HERC1: variants seen among roughly 807,000 people sequenced by gnomAD.
HERC1 encodes HECT and RLD domain containing E3 ubiquitin protein ligase family member 1, also known as probable E3 ubiquitin-protein ligase HERC1.
A neutral mutation model predicts 554.3 loss-of-function variants in HERC1; 160 were observed. The observed-to-expected ratio is 0.29, with a 90% confidence interval of 0.25 to 0.33. The LOEUF is 0.33. HERC1 is among the 10% of genes least tolerant of loss of function. The pLI, the probability that HERC1 is intolerant of heterozygous loss-of-function variation, is 1.00. For missense variants in HERC1, 4,919 were observed against 5,918.5 expected (o/e 0.83, Z 5.54); for synonymous variants, 2,175 against 2,131.7 (o/e 1.02, Z -0.56).
intron 48 of HERC1, among the ~76,000 whole-genome samples, chr15:63,657,682 T>C (rs560782886): frequency 2.6e-5 from 4 of 152,356 alleles, no homozygotes; most frequent in African/African-American, 9.6e-5. Context: ...TGTGACTTGC[T>C]TGAGGAATTT....
At chr15:63,793,685 C>T (rs2076722904) in intron 1 of HERC1, among the ~76,000 whole-genome samples, 1 of 152,148 alleles carries the variant, frequency 6.6e-6, no homozygotes, top group African/African-American at 2.4e-5. Context: ...TCTGTGGACT[C>T]GCCCTGAATT....
At position 63,713,341 on chromosome 15, in the gene HERC1, A is replaced by G; in HGVS notation, c.4463+12T>C. 6.2e-7 allele frequency: 1 copy of G among 1,607,928 alleles called. No homozygotes were observed. The highest frequency in any genetic ancestry group is 8.5e-7 in the Non-Finnish European group (1 of 1,175,074). ...TGAGTAGGTCATGTTTTCAGTGTCT[A>G]GTCAGTCCCACCTGGTCATAAGTCC... is the stretch of plus-strand genomic sequence containing the variant. On this transcript the variant is annotated intron_variant, in intron 23 of 77. Transcript: ENST00000443617.
At chr15:63,830,267 T>G (rs1244060380) in intron 1 of HERC1, among the ~76,000 whole-genome samples, 1 of 152,218 alleles carries the variant, frequency 6.6e-6, no homozygotes, top group Non-Finnish European at 1.5e-5. Flanking sequence ...GTCAACACCA[T>G]GTACCCCCAA....
chr15:63,685,853 T>C (rs1416460496), intron 34 of HERC1, among the ~76,000 whole-genome samples: 3 of 152,224 alleles, frequency 2.0e-5, no homozygotes, highest in Non-Finnish European at 2.9e-5. Flanking sequence ...TATACTGATA[T>C]AAATTTTACC....
rs1017232969 is a variant in HERC1, at chr15:63,686,247, A to G, written c.6225+112T>C. 20 of 732,680 alleles carry G rather than the reference A, an allele frequency of 2.7e-5. No homozygotes were observed. In the Middle Eastern group the frequency reaches 1.2e-3, roughly 45 times the overall value. The allele number at this position is 732,680 out of a possible 1,614,324, so 45.4% of individuals were successfully genotyped here. A position where few individuals can be genotyped will look rare whatever the true frequency, so the allele number is the denominator to read the frequency against. ...TTTATATTATCTTACATAATAATAGAACATTTACATATCACGATTTTTTTT... is the reference window on the plus strand; with the variant it reads ...TTTATATTATCTTACATAATAATAGGACATTTACATATCACGATTTTTTTT... On this transcript the variant is annotated intron_variant, in intron 34 of 77. Transcript: ENST00000443617.
At position 63,734,805 on chromosome 15, in the gene HERC1, AG is replaced by A; in HGVS notation, c.2564del (p.Pro855LeufsTer36). 1 of 1,608,544 alleles carries A rather than the reference AG, an allele frequency of 6.2e-7. No homozygotes were observed. The highest frequency in any genetic ancestry group is 1.1e-5 in the South Asian group (1 of 90,162). ...TLSVGATMLL[P>X]PLRERMELLH... ...GTAATTCCATCCGTTCTCGTAATGG[AG>A]GTAACAGCATGGTTGCTCCCACTGA... On this transcript the variant is annotated frameshift_variant, in exon 13 of 78. Coordinates refer to ENST00000443617, the MANE Select transcript of HERC1 (RefSeq NM_003922.4). LOFTEE classifies it high-confidence loss of function. This position sits in a 1 kb window ranked among gnomAD's most constrained non-coding sequence, Gnocchi z 4.6.
At position 63,752,256 on chromosome 15, in the gene HERC1, T is replaced by C. The variant is rs144739879; in HGVS notation, c.1902+702A>G. The stretch of plus-strand genomic sequence containing the variant: ...TTGTCAATTAGTCATAAAACACTTT[T>C]ATACCACTGCCTGACACAAGGTGGC... On this transcript the variant is annotated intron_variant, in intron 8 of 77. Coordinates refer to ENST00000443617, the MANE Select transcript of HERC1 (RefSeq NM_003922.4). Among the ~76,000 whole-genome samples, 55 of 152,290 alleles carry C rather than the reference T, an allele frequency of 3.6e-4. No individual in the cohort carries two copies. In the East Asian group the frequency reaches 9.7e-3, roughly 27 times the overall value.
intron 12 of HERC1, among the ~76,000 whole-genome samples, chr15:63,744,150 GTGTGTGTGTGTGTGTCTCTCTCTC>G (rs1567077938): frequency 1.2e-4 from 5 of 41,526 alleles, no homozygotes; most frequent in Non-Finnish European, 3.1e-4. Context: ...GTGTGTGTGT[GTGTGTGTGTGTGTGTCTCTCTCTC>G]TCTCTCTCTC....
At chr15:63,725,012 T>C (rs1014986344) in intron 18 of HERC1, among the ~76,000 whole-genome samples, 45 of 152,186 alleles carry the variant, frequency 3.0e-4, no homozygotes, top group African/African-American at 1.0e-3. Context: ...AAATAAGTGA[T>C]GAAGCATTGA....
chr15:63,729,336 A>T lies in HERC1; in HGVS notation c.3054T>A (p.His1018Gln), dbSNP rs1320166817. Reference protein sequence around the residue: ...NSSSVALLHKHLQLLLPHATD... With the variant: ...NSSSVALLHKQLQLLLPHATD... ...TGGCATGAGGCAACAAAAGCTGAAG[A>T]TGTTTATGAAGCAATGCCACACTGC... Residue 1018 changes from histidine to glutamine, a missense_variant, in exon 16 of 78, where the codon CAT becomes CAA. Transcript: ENST00000443617. The T allele has an allele frequency of 1.2e-6, 2 of 1,610,346 alleles. No individual in the cohort carries two copies. The highest frequency in any genetic ancestry group is 2.2e-5 in the South Asian group (2 of 90,264).
chr15:63,686,491 T>A lies in HERC1; in HGVS notation c.6093A>T (p.Gln2031His). The change falls in exon 34 of 78, where the codon CAA becomes CAT. Residue 2031 changes from glutamine (Q) to histidine (H), a missense_variant. Gln to His is a conservative substitution (Grantham distance 24). Coordinates refer to ENST00000443617, the MANE Select transcript of HERC1 (RefSeq NM_003922.4). ...LEEEDENLPI[Q>H]EVSFDPEKAQ... is the part of the protein sequence containing the mutation. ...CTTTCTCCGGGTCAAAGGATACTTC[T>A]TGGATAGGAAGATTCTCATCTTCTT... 6.2e-7 allele frequency: 1 copy of A among 1,613,858 alleles called. No individual in the cohort carries two copies.
Position 63,790,572 on chromosome 15 carries a change from C to T in HERC1, c.-26-14923G>A, listed in dbSNP as rs185188278. ...CAGCCTGGGCGACACAGCAAGACTC[C>T]GTCTCAAAAAAAAATTTTTTTTTTA... On this transcript the variant is annotated intron_variant, in intron 1 of 77. Transcript: ENST00000443617. Among the ~76,000 whole-genome samples the T allele has an allele frequency of 5.6e-4, 85 of 151,190 alleles. 1 individual carries two copies. The highest frequency in any genetic ancestry group is 1.8e-3 in the African/African-American group (75 of 41,124).
intron 24 of HERC1, among the ~76,000 whole-genome samples, chr15:63,708,126 A>G (rs1333226386): frequency 6.6e-6 from 1 of 152,146 alleles, no homozygotes; most frequent in Non-Finnish European, 1.5e-5. Flanking sequence ...GGTGCTGGAT[A>G]AAACACCAAA....
intron 1 of HERC1, among the ~76,000 whole-genome samples, chr15:63,822,383 C>T (rs1301706314): frequency 3.3e-5 from 5 of 152,188 alleles, no homozygotes; most frequent in South Asian, 4.1e-4. Context: ...GCCAGGAGTT[C>T]GAGACCAGCC....
chr15:63,817,669 C>G (rs142231491), intron 1 of HERC1, among the ~76,000 whole-genome samples: 10 of 152,214 alleles, frequency 6.6e-5, no homozygotes, highest in African/African-American at 2.4e-4. Flanking sequence ...CAGCCAAGTT[C>G]GCGCCACTAC....
chr15:63,639,738 C>T (rs2068950060), intron 61 of HERC1, among the ~76,000 whole-genome samples: 1 of 152,160 alleles, frequency 6.6e-6, no homozygotes, highest in Non-Finnish European at 1.5e-5. Flanking sequence ...AATTAGAATG[C>T]TCTTCTATAT....
rs529087724 is a variant in HERC1 at position 63,668,772 on chromosome 15, A to G, written c.8206+766T>C. ...GAACCTAAAGACAGAGCTTTAAAAT[A>G]TATGAAACAGAAACTGAAAACAGGA... On this transcript the variant is annotated intron_variant, in intron 40 of 77. Transcript: ENST00000443617. Among the ~76,000 whole-genome samples, 8 of 152,350 alleles carry G rather than the reference A, an allele frequency of 5.3e-5. No homozygotes were observed. The East Asian group carries it at 1.5e-3, about 29-fold the overall frequency.
intron 51 of HERC1, among the ~76,000 whole-genome samples, chr15:63,653,910 A>G (rs1359523813): frequency 1.3e-5 from 2 of 152,144 alleles, no homozygotes; most frequent in Admixed American, 6.6e-5. Context: ...CAATTCTCCA[A>G]TTCGTATACT....
At chr15:63,765,629 C>G (rs1399044080) in intron 2 of HERC1, among the ~76,000 whole-genome samples, 1 of 152,148 alleles carries the variant, frequency 6.6e-6, no homozygotes, top group Non-Finnish European at 1.5e-5. Context: ...CTAACTCTTT[C>G]AACGAACGGC....
Sources: gnomAD v4.1 joint callset for allele counts (sites outside exome capture counted in the v4.1 genomes callset) on GRCh38, gnomAD v4.1.1 for gene constraint, Gnocchi (gnomAD v3.1) non-coding constraint, MANE v1.5 for transcripts, NCBI Gene and HGNC (gene_info 2026-07-23, HGNC 2026-07-21) for gene names.